Variants in MARCHF6 observed in about 807,000 individuals in gnomAD.
MARCHF6 encodes E3 ubiquitin-protein ligase MARCHF6.
In MARCHF6, 31 loss-of-function variants were observed where a neutral mutation model predicts 133.7. That is an observed-to-expected ratio of 0.23 (90% CI 0.17 to 0.31). MARCHF6 has a LOEUF of 0.31. Among genes scored for constraint, MARCHF6 ranks in the 10% least tolerant of loss-of-function variants. The probability of loss-of-function intolerance (pLI) is 1.00; values close to 1 mark genes in which losing one functional copy is unlikely to be tolerated. For synonymous variants in MARCHF6, 395 were observed against 402.5 expected (o/e 0.98, Z 0.22); for missense variants, 723 against 1,121.6 (o/e 0.64, Z 5.08).
intron 1 of MARCHF6, among the ~76,000 whole-genome samples, chr5:10,371,745 T>G (rs1191925643): frequency 6.6e-6 from 1 of 152,220 alleles, no homozygotes; most frequent in African/African-American, 2.4e-5. Context: ...AACAATTGAA[T>G]GTTGTGCTTT....
Position 10,365,241 on chromosome 5 carries a change from T to C in MARCHF6, c.19+11324T>C, listed in dbSNP as rs187762335. 1.1e-4 allele frequency among the ~76,000 whole-genome samples: 17 copies of C among 152,280 alleles called. No individual in the cohort carries two copies. In the East Asian group the frequency reaches 3.1e-3, roughly 28 times the overall value. ...AGGTGAATTTTTAATTTAGTAACGA[T>C]AGTAATCTGGTGAGCTAAAATAAGT... On this transcript the variant is annotated intron_variant, in intron 1 of 25. Coordinates refer to ENST00000274140, the MANE Select transcript of MARCHF6 (RefSeq NM_005885.4).
chr5:10,396,840 G>A (rs1738221240), intron 9 of MARCHF6, among the ~76,000 whole-genome samples: 1 of 152,216 alleles, frequency 6.6e-6, no homozygotes, highest in Non-Finnish European at 1.5e-5. Flanking sequence ...AGGAGTGGTA[G>A]CCAGGCAATA....
intron 17 of MARCHF6, among the ~76,000 whole-genome samples, chr5:10,408,202 C>T (rs928450459): frequency 3.3e-5 from 5 of 152,228 alleles, no homozygotes; most frequent in Non-Finnish European, 7.3e-5. Flanking sequence ...TCCTCTTGCT[C>T]TCCATTCATC....
intron 25 of MARCHF6, among the ~76,000 whole-genome samples, chr5:10,432,899 CT>C (rs752051489): frequency 0.013 from 1,732 of 136,210 alleles, 15 homozygotes; most frequent in African/African-American, 0.041. Flanking sequence ...TCCCTTCCTA[CT>C]TTTTTTTTTT....
chr5:10,424,010 A>G (rs939052177), intron 23 of MARCHF6, among the ~76,000 whole-genome samples, 186 bp downstream of exon 23: 1 of 151,856 alleles, frequency 6.6e-6, no homozygotes, highest in Non-Finnish European at 1.5e-5. Context: ...AGGGGAGGAA[A>G]ATAATTTGTT....
intron 1 of MARCHF6, among the ~76,000 whole-genome samples, chr5:10,376,095 C>G (rs999216994): frequency 6.6e-6 from 1 of 152,170 alleles, no homozygotes; most frequent in East Asian, 1.9e-4. Flanking sequence ...AGCAGGCTGC[C>G]GGAGCCAGCA....
chr5:10,407,526 C>G (rs892640695), intron 17 of MARCHF6, among the ~76,000 whole-genome samples: 1 of 152,114 alleles, frequency 6.6e-6, no homozygotes, highest in Non-Finnish European at 1.5e-5. Flanking sequence ...TTTTACCATA[C>G]CTAATGAGAG....
At chr5:10,385,182 G>A (rs1029709168) in intron 4 of MARCHF6, among the ~76,000 whole-genome samples, 2 of 152,226 alleles carry the variant, frequency 1.3e-5, no homozygotes, top group Non-Finnish European at 2.9e-5. Context: ...TTTTGCAGGG[G>A]CTGTTGCCTG....
At position 10,439,436 on chromosome 5, in the gene MARCHF6, A is replaced by G. The variant is rs1180834811; in HGVS notation, c.*5752A>G. The G allele has an allele frequency of 6.6e-6, 1 of 152,244 alleles. No individual in the cohort carries two copies. The highest frequency in any genetic ancestry group is 1.5e-5 in the Non-Finnish European group (1 of 68,042). 9.4% of individuals were successfully genotyped at this position (152,244 alleles called of 1,614,324 possible). On this transcript the variant is annotated 3_prime_UTR_variant, in exon 26 of 26. Coordinates refer to ENST00000274140, the MANE Select transcript of MARCHF6 (RefSeq NM_005885.4). ...AGCACAATCCATGAAGGAAAAATCG[A>G]TAAATTGTACTTTATCAAAATTGAG...
Position 10,411,515 on chromosome 5 carries a change from G to T in MARCHF6, c.1874G>T (p.Arg625Leu). ...CCTGTTGGCTTTCAGCCTTACCGCC[G>T]ACCTTTAAATTTTCCACTCAGGGTA... is the stretch of plus-strand genomic sequence containing the variant. ...GGPVGFQPYR[R>L]PLNFPLRIFL... Residue 625 changes from arginine (R) to leucine (L), a missense_variant, in exon 19 of 26, where the codon CGA becomes CTA. By Grantham distance (102) the Arg-to-Leu change is moderately radical. Coordinates refer to ENST00000274140, the MANE Select transcript of MARCHF6 (RefSeq NM_005885.4). The T allele has an allele frequency of 6.2e-7, 1 of 1,613,876 alleles. No homozygotes were observed. Among genetic ancestry groups the T allele is most frequent in the Non-Finnish European group, 8.5e-7 (1 of 1,179,870 alleles).
chr5:10,378,840 C>A lies in MARCHF6; in HGVS notation c.190+8C>A. The A allele has an allele frequency of 3.8e-6, 6 of 1,594,530 alleles. No homozygotes were observed. The highest frequency in any genetic ancestry group is 5.2e-6 in the Non-Finnish European group (6 of 1,165,046). On this transcript the variant is annotated splice_region_variant and intron_variant, in intron 3 of 25. Coordinates refer to ENST00000274140, the MANE Select transcript of MARCHF6 (RefSeq NM_005885.4). ...GATTTGCTTTTACACCAAGTAAGTT[C>A]TTTAGACATTTTCACTGCATTTTTT...
intron 10 of MARCHF6, among the ~76,000 whole-genome samples, chr5:10,399,508 T>C (rs994601021): frequency 6.6e-6 from 1 of 152,068 alleles, no homozygotes; most frequent in Non-Finnish European, 1.5e-5. Context: ...AAGATAACTA[T>C]ATTTTATTAT....
rs547556214 is a variant in MARCHF6, at chr5:10,432,667, A to T, written c.2643-927A>T. Among the ~76,000 whole-genome samples, 119 of 152,308 alleles carry T rather than the reference A, an allele frequency of 7.8e-4. 1 individual carries two copies. Among genetic ancestry groups the T allele is most frequent in the African/African-American group, 2.8e-3 (115 of 41,564 alleles). On this transcript the variant is annotated intron_variant, in intron 25 of 25. Transcript: ENST00000274140. Reference sequence around the variant, plus strand: ...GCCCTGTCACTCCAACTACAGTAACATCTGCCTTGTTTCTGCAGCCCTGTG... The same window carrying T: ...GCCCTGTCACTCCAACTACAGTAACTTCTGCCTTGTTTCTGCAGCCCTGTG...
rs1165301112 is a variant in MARCHF6, at chr5:10,433,966, TG to T, written c.*283del. ...GTGCATTGTACATCTTTAAACAAAA[TG>T]TATATTAATTTATTAAATCTAGTTG... On this transcript the variant is annotated 3_prime_UTR_variant, in exon 26 of 26. Transcript: ENST00000274140. 2 of 334,790 alleles carry T rather than the reference TG, an allele frequency of 6.0e-6. No individual in the cohort carries two copies. Among genetic ancestry groups the T allele is most frequent in the African/African-American group, 4.3e-5 (2 of 46,834 alleles). The allele number at this position is 334,790 out of a possible 1,614,324, so 20.7% of individuals were successfully genotyped here. A position where few individuals can be genotyped will look rare whatever the true frequency, so the allele number is the denominator to read the frequency against.
At chr5:10,429,439 G>C (rs1034162965) in intron 24 of MARCHF6, among the ~76,000 whole-genome samples, 24 of 149,640 alleles carry the variant, frequency 1.6e-4, no homozygotes, top group Non-Finnish European at 5.9e-5. Flanking sequence ...CTGTTGTCCA[G>C]GTTGGAGTGC....
chr5:10,417,466 A>T (rs1468961626), intron 22 of MARCHF6, 62 bp downstream of exon 22: 46 of 1,603,266 alleles, frequency 2.9e-5, no homozygotes, highest in Non-Finnish European at 3.7e-5. Context: ...AAATAATCCT[A>T]GCCAGGCATG....
chr5:10,361,467 C>T (rs1348961280), intron 1 of MARCHF6, among the ~76,000 whole-genome samples: 2 of 152,184 alleles, frequency 1.3e-5, no homozygotes, highest in Non-Finnish European at 2.9e-5. Context: ...ATGTAGTCTT[C>T]TCTCTGTATG....
chr5:10,354,949 T>A (rs1052429974), intron 1 of MARCHF6, among the ~76,000 whole-genome samples: 3 of 152,174 alleles, frequency 2.0e-5, no homozygotes, highest in Non-Finnish European at 4.4e-5. Flanking sequence ...TATTTTTTTT[T>A]AAAGAAGTCT....
chr5:10,374,352 T>G (rs1005034394), intron 1 of MARCHF6, among the ~76,000 whole-genome samples: 1 of 152,204 alleles, frequency 6.6e-6, no homozygotes, highest in African/African-American at 2.4e-5. Flanking sequence ...CTTAACGTGC[T>G]GCCGGGGTCC....
Sources: allele counts gnomAD v4.1 joint callset (sites outside exome capture counted in the v4.1 genomes callset), GRCh38; gene constraint gnomAD v4.1.1; transcripts MANE v1.5; gene names NCBI Gene and HGNC (gene_info 2026-07-23, HGNC 2026-07-21).